The following PIP5K1A variants were observed in gnomAD, a reference collection of about 807,000 sequenced individuals.
PIP5K1A encodes phosphatidylinositol 4-phosphate 5-kinase type-1 alpha.
Under a neutral mutation model 72.9 loss-of-function variants are expected in PIP5K1A, and 46 were observed. The observed-to-expected ratio is 0.63, with a 90% CI of 0.50 to 0.81. The LOEUF is 0.81. Among genes scored for constraint, PIP5K1A ranks in the 30% least tolerant of loss-of-function variants. The pLI is 0.00. For synonymous variants in PIP5K1A, 228 were observed against 255.1 expected (o/e 0.89, Z 1.01); for missense variants, 458 against 706.1 (o/e 0.65, Z 3.98).
intron 3 of PIP5K1A, among the ~76,000 whole-genome samples, chr1:151,226,426 C>T (rs587657315): frequency 6.6e-6 from 1 of 152,084 alleles, no homozygotes; most frequent in African/African-American, 2.4e-5. Context: ...AAATACTCAC[C>T]TTTGGTTGGG....
At chr1:151,218,075 T>C (rs1051223289) in intron 1 of PIP5K1A, among the ~76,000 whole-genome samples, 1 of 152,150 alleles carries the variant, frequency 6.6e-6, no homozygotes, top group Non-Finnish European at 1.5e-5. Context: ...CCACTGTGCC[T>C]GGCAGTGTTA....
intron 10 of PIP5K1A, chr1:151,238,518 G>A: frequency 2.2e-6 from 1 of 456,754 alleles, no homozygotes; most frequent in East Asian, 4.3e-5. Context: ...TCAGTCCTTG[G>A]AAGCACCAGG....
At chr1:151,202,112 T>G (rs1685296524) in intron 1 of PIP5K1A, among the ~76,000 whole-genome samples, 1 of 152,204 alleles carries the variant, frequency 6.6e-6, no homozygotes, top group Non-Finnish European at 1.5e-5. Context: ...TAACCTCTCC[T>G]TCCCAATTTA....
intron 1 of PIP5K1A, among the ~76,000 whole-genome samples, chr1:151,223,722 TCTTG>T (rs1688726211): frequency 6.6e-6 from 1 of 150,712 alleles, no homozygotes; most frequent in Non-Finnish European, 1.5e-5. Context: ...GTGCGGTGGC[TCTTG>T]CTTGTAATCC....
chr1:151,231,612 TTTA>T, intron 4 of PIP5K1A, 56 bp from the exon 5 acceptor site: 3 of 1,504,832 alleles, frequency 2.0e-6, no homozygotes, highest in East Asian at 4.5e-5. Flanking sequence ...TTTCTGAATT[TTTA>T]TTGTTATGAT....
At chr1:151,246,038 G>A (rs1692453788) in intron 14 of PIP5K1A, among the ~76,000 whole-genome samples, 1 of 152,128 alleles carries the variant, frequency 6.6e-6, no homozygotes, top group Non-Finnish European at 1.5e-5. Context: ...CCTGAGGCCA[G>A]AAGTTCGAGA....
In PIP5K1A at chr1:151,229,881, AGATCATCCTGGCTAACACGGT is replaced by A. The variant is rs587667193; in HGVS notation, c.238-1787_238-1767del. Among the ~76,000 whole-genome samples the A allele has an allele frequency of 1.1e-4, 17 of 151,976 alleles. No individual in the cohort carries two copies. In the East Asian group the frequency reaches 2.9e-3, roughly 26 times the overall value. ...GGTGGATAACGAGGTCAGGAGATCGAGATCATCCTGGCTAACACGGTGAAACCCCATCTCTACTAAAAAAAA... is the reference window on the plus strand; with the variant it reads ...GGTGGATAACGAGGTCAGGAGATCGAGAAACCCCATCTCTACTAAAAAAAA... On this transcript the variant is annotated intron_variant, in intron 4 of 15. Coordinates refer to ENST00000368888, the MANE Select transcript of PIP5K1A (RefSeq NM_001135638.2).
intron 14 of PIP5K1A, among the ~76,000 whole-genome samples, chr1:151,244,179 G>GGA (rs1323535450): frequency 8.7e-5 from 9 of 104,036 alleles, no homozygotes; most frequent in South Asian, 3.0e-4. Context: ...AAAAAATACT[G>GGA]AAAAAAAAAA....
At chr1:151,242,707 T>A in intron 14 of PIP5K1A, 140 bp downstream of exon 14, 2 of 777,750 alleles carry the variant, frequency 2.6e-6, no homozygotes, top group Non-Finnish European at 2.1e-6. Flanking sequence ...ATACTTTCTG[T>A]GGGTCAGGAA....
rs776045322 is a variant in PIP5K1A, at chr1:151,240,075, C to T, written c.1363+36C>T. On this transcript the variant is annotated intron_variant, in intron 12 of 15. Coordinates refer to ENST00000368888, the MANE Select transcript of PIP5K1A (RefSeq NM_001135638.2). The stretch of plus-strand genomic sequence containing the variant: ...TCTACCAATTGACTGCCTACTCCTG[C>T]CCAGTGGCTCCCTTACCCCAAGAGA... The T allele has an allele frequency of 9.2e-6, 13 of 1,417,724 alleles. No individual in the cohort carries two copies. In the Admixed American group the frequency reaches 2.0e-4, roughly 22 times the overall value. The allele number at this position is 1,417,724 out of a possible 1,614,324, so 87.8% of individuals were successfully genotyped here. A position where few individuals can be genotyped will look rare whatever the true frequency, so the allele number is the denominator to read the frequency against.
At chr1:151,227,499 T>C (rs1313369632) in intron 4 of PIP5K1A, 99 bp downstream of exon 4, 8 of 691,876 alleles carry the variant, frequency 1.2e-5, no homozygotes, top group Admixed American at 2.4e-5. Flanking sequence ...ACTGTCCTGT[T>C]TCTTGATCTC....
upstream of PIP5K1A, chr1:151,197,891 T>A (rs114557393): frequency 7.7e-4 from 269 of 350,534 alleles, no homozygotes; most frequent in African/African-American, 5.0e-3. Context: ...AATTTTTCTG[T>A]GTATCTCCAT....
In PIP5K1A at chr1:151,227,410, G is replaced by C. The variant is rs1455850560; in HGVS notation, c.237+10G>C. 1.3e-6 allele frequency: 2 copies of C among 1,589,222 alleles called. No homozygotes were observed. Among genetic ancestry groups the C allele is most frequent in the African/African-American group, 2.7e-5 (2 of 74,546 alleles). On this transcript the variant is annotated intron_variant, in intron 4 of 15. Transcript: ENST00000368888. ...GACAACATATAAAAAGGTGTGTCTG[G>C]ATGAAACCGTCTCATCTTACTCCAG...
chr1:151,219,022 T>G (rs587632534), intron 1 of PIP5K1A, among the ~76,000 whole-genome samples: 1 of 152,280 alleles, frequency 6.6e-6, no homozygotes, highest in South Asian at 2.1e-4. Context: ...TAAAAATCTC[T>G]TTCTGAATGA....
Position 151,232,270 on chromosome 1 carries a change from G to A in PIP5K1A, c.391G>A (p.Ala131Thr), listed in dbSNP as rs1690199939. ...FPSEGSNLTP[A>T]HHYNDFRFKT... ...CAGTGAAGGGAGCAACCTGACCCCT[G>A]CTCATCACTACAATGACTTTCGTTT... Residue 131 changes from alanine to threonine, a missense_variant, in exon 6 of 16, where the codon GCT becomes ACT. Ala to Thr is a moderately conservative substitution (Grantham distance 58). This residue lies in a region of PIP5K1A where 220 missense variants were observed against 442.6 expected (regional missense o/e 0.50). Transcript: ENST00000368888. The A allele has an allele frequency of 4.3e-6, 7 of 1,613,580 alleles. No individual in the cohort carries two copies. The highest frequency in any genetic ancestry group is 1.3e-5 in the African/African-American group (1 of 74,894).
At chr1:151,198,449 A>C (rs1572106785), upstream of PIP5K1A, 1 of 219,552 alleles carries the variant, frequency 4.6e-6, no homozygotes, top group African/African-American at 2.3e-5. Context: ...GTGAGGACCC[A>C]CCTCACGTGA....
At position 151,198,901 on chromosome 1, in the gene PIP5K1A, G is replaced by A. The variant is rs1355452367; in HGVS notation, c.-96G>A. The A allele has an allele frequency of 1.6e-6, 2 of 1,224,682 alleles. No homozygotes were observed. Among genetic ancestry groups the A allele is most frequent in the African/African-American group, 3.0e-5 (2 of 67,418 alleles). 75.9% of individuals were successfully genotyped at this position (1,224,682 alleles called of 1,614,324 possible). ...GCGGGGAGGTGGCCCACAGAACGCG[G>A]GTTCTGTAAAGAGACGTTGGGAAGA... On this transcript the variant is annotated 5_prime_UTR_variant, in exon 1 of 16. Transcript: ENST00000368888.
At chr1:151,216,599 C>T (rs1035404177) in intron 1 of PIP5K1A, among the ~76,000 whole-genome samples, 2 of 152,080 alleles carry the variant, frequency 1.3e-5, no homozygotes, top group African/African-American at 4.8e-5. Context: ...CCTTTTGTTT[C>T]AGTAAACCAG....
chr1:151,201,213 G>A (rs144394166), intron 1 of PIP5K1A, among the ~76,000 whole-genome samples: 1 of 152,248 alleles, frequency 6.6e-6, no homozygotes, highest in Non-Finnish European at 1.5e-5. Context: ...AAGAAGAAGG[G>A]TTGTGTATGG....
Sources: gnomAD v4.1 joint callset for allele counts (sites outside exome capture counted in the v4.1 genomes callset) on GRCh38, gnomAD v4.1.1 for gene constraint, gnomAD v4.1.1 regional missense constraint, MANE v1.5 for transcripts, NCBI Gene and HGNC (gene_info 2026-07-23, HGNC 2026-07-21) for gene names.